The following PCDHA5 variants were observed in gnomAD, a reference collection of about 807,000 sequenced individuals.
PCDHA5 encodes the protein protocadherin alpha-5.
PCDHA5 carries 43 observed loss-of-function variants against 61.6 expected under a neutral mutation model. The observed-to-expected ratio is 0.70, with a 90% CI of 0.55 to 0.90. The LOEUF is 0.90. Among genes scored for constraint, PCDHA5 ranks in the 40% least tolerant of loss-of-function variants. The pLI is 0.00. For missense variants in PCDHA5, 1,298 were observed against 1,222.7 expected, an observed-to-expected ratio of 1.06 and a Z score of -0.92; for synonymous variants, 627 against 543.9, an observed-to-expected ratio of 1.15 and a Z score of -2.13.
chr5:141,009,545 A>G, intron 3 of PCDHA5, 82 bp from the exon 4 acceptor site: 2 of 1,535,938 alleles, frequency 1.3e-6, no homozygotes, highest in Non-Finnish European at 1.8e-6. Flanking sequence ...CTGCCTATGC[A>G]GTACTCCTGT....
chr5:140,850,087 TAC>T (rs2041337151), intron 1 of PCDHA5: 1 of 1,596,398 alleles, frequency 6.3e-7, no homozygotes, highest in African/African-American at 1.3e-5. Context: ...CTGGAGCTGC[TAC>T]AGTTCCAGGT....
intron 1 of PCDHA5, chr5:140,836,227 C>G: frequency 6.2e-7 from 1 of 1,613,736 alleles, no homozygotes; most frequent in African/African-American, 1.3e-5. Context: ...CAACCGGTGG[C>G]GGCCGGTGCG....
intron 1 of PCDHA5, among the ~76,000 whole-genome samples, chr5:140,899,871 T>G (rs76112838): frequency 0.014 from 2,117 of 152,008 alleles, 43 homozygotes; most frequent in African/African-American, 0.049. Context: ...GCAGTGGTAT[T>G]AACAGAACTC....
intron 3 of PCDHA5, among the ~76,000 whole-genome samples, chr5:141,005,648 G>A (rs1354125322): frequency 7.4e-6 from 1 of 135,988 alleles, no homozygotes; most frequent in Non-Finnish European, 1.5e-5. Flanking sequence ...CTTGCAGTGA[G>A]TCGAGATCGC....
rs146722772 is a variant in PCDHA5, at chr5:140,848,558, C to T, written c.2352+24431C>T. ...CTCTACTGCTCTCGCTTCTGATCCTCGCAATGTGGGTGGTGGGGAGCGGCC... is the reference window on the plus strand; with the variant it reads ...CTCTACTGCTCTCGCTTCTGATCCTTGCAATGTGGGTGGTGGGGAGCGGCC... On this transcript the variant is annotated intron_variant, in intron 1 of 3. Coordinates refer to ENST00000529859, the MANE Select transcript of PCDHA5 (RefSeq NM_018908.3). 8.8e-6 allele frequency: 14 copies of T among 1,595,498 alleles called. 1 individual carries two copies. In the African/African-American group the frequency reaches 1.6e-4, roughly 18 times the overall value.
intron 1 of PCDHA5, among the ~76,000 whole-genome samples, chr5:140,895,788 G>A (rs947578940): frequency 3.9e-5 from 6 of 152,014 alleles, no homozygotes; most frequent in East Asian, 1.9e-4. Context: ...ATTCAATGAC[G>A]TATATGTACA....
intron 1 of PCDHA5, chr5:140,882,333 C>T (rs1052199425): frequency 3.8e-5 from 61 of 1,614,102 alleles, no homozygotes; most frequent in Non-Finnish European, 5.0e-5. Flanking sequence ...CTGATCCTCG[C>T]AGCCTGGGAG....
At chr5:140,850,709 G>T in intron 1 of PCDHA5, 1 of 1,598,236 alleles carries the variant, frequency 6.3e-7, no homozygotes, top group East Asian at 2.2e-5. Context: ...GCAAGCCGAC[G>T]CTGGTGTGTT....
intron 1 of PCDHA5, among the ~76,000 whole-genome samples, chr5:140,878,322 T>C (rs2057540228): frequency 6.6e-6 from 1 of 152,228 alleles, no homozygotes; most frequent in Non-Finnish European, 1.5e-5. Context: ...CATTTTCACA[T>C]TATATTCCAG....
Position 140,845,869 on chromosome 5 carries a change from C to T in PCDHA5, c.2352+21742C>T, listed in dbSNP as rs1190017155. On this transcript the variant is annotated intron_variant, in intron 1 of 3. Transcript: ENST00000529859. ...AAAGAAGTTAGTGATTGCAGAAAGG[C>T]AACCTAAAATGTCAGAAAGTCGTTA... is the stretch of plus-strand genomic sequence containing the variant. Among the ~76,000 whole-genome samples the T allele has an allele frequency of 2.0e-5, 3 of 149,586 alleles. 1 individual carries two copies. Among genetic ancestry groups the T allele is most frequent in the Non-Finnish European group, 4.5e-5 (3 of 66,866 alleles).
At chr5:140,824,440 T>A in intron 1 of PCDHA5, 1 of 476,522 alleles carries the variant, frequency 2.1e-6, no homozygotes, top group East Asian at 3.6e-5. Context: ...AGTTTCAGTT[T>A]ATGACTACAT....
intron 3 of PCDHA5, among the ~76,000 whole-genome samples, chr5:141,004,019 A>G (rs2098147783): frequency 6.6e-6 from 1 of 152,244 alleles, no homozygotes; most frequent in South Asian, 2.1e-4. Flanking sequence ...CACTGAAAGA[A>G]GAAACATTTC....
chr5:140,830,654 A>T (rs1554132964), intron 1 of PCDHA5: 1 of 436,460 alleles, frequency 2.3e-6, no homozygotes, highest in African/African-American at 2.1e-5. Context: ...TTTAATATTC[A>T]TAATTTAAGT....
Position 140,842,608 on chromosome 5 carries a change from C to CG in PCDHA5, c.2352+18486dup, listed in dbSNP as rs1340734954. 5 of 1,557,100 alleles carry CG rather than the reference C, an allele frequency of 3.2e-6. 2 individuals carry two copies. In the African/African-American group the frequency reaches 7.2e-5, roughly 22 times the overall value. The stretch of plus-strand genomic sequence containing the variant: ...ATGAGTTGGTGGTAACCGCGCGGGA[C>CG]GGGGGCTCGCCTTCGCTGTGGGCCA... On this transcript the variant is annotated intron_variant, in intron 1 of 3. Coordinates refer to ENST00000529859, the MANE Select transcript of PCDHA5 (RefSeq NM_018908.3).
chr5:140,876,819 C>G (rs781959784), intron 1 of PCDHA5: 4 of 1,614,180 alleles, frequency 2.5e-6, no homozygotes, highest in Non-Finnish European at 3.4e-6. Context: ...CCGACGTGAA[C>G]GACAATGCGC....
chr5:140,998,596 C>G (rs1301065712), intron 3 of PCDHA5, among the ~76,000 whole-genome samples: 1 of 148,578 alleles, frequency 6.7e-6, no homozygotes, highest in Non-Finnish European at 1.5e-5. Flanking sequence ...CAGAGTTTTG[C>G]TCTTGTTGCC....
intron 1 of PCDHA5, among the ~76,000 whole-genome samples, chr5:140,916,255 C>G (rs1161014900): frequency 6.6e-6 from 1 of 152,144 alleles, no homozygotes. Context: ...ACTTGGGGAC[C>G]CCAAGAGCAT....
chr5:140,871,223 C>G (rs1009797322), intron 1 of PCDHA5: 6 of 1,613,892 alleles, frequency 3.7e-6, no homozygotes, highest in Non-Finnish European at 3.4e-6. Context: ...TGCGTGGTGT[C>G]CAGCCTCCTG....
chr5:140,943,830 G>C (rs1245752469), intron 1 of PCDHA5, among the ~76,000 whole-genome samples: 1 of 152,198 alleles, frequency 6.6e-6, no homozygotes, highest in Non-Finnish European at 1.5e-5. Context: ...TGAGTTGATT[G>C]AAGTTGTAAG....
Sources: gnomAD v4.1 joint callset for allele counts (sites outside exome capture counted in the v4.1 genomes callset) on GRCh38, gnomAD v4.1.1 for gene constraint, MANE v1.5 for transcripts, NCBI Gene and HGNC (gene_info 2026-07-23, HGNC 2026-07-21) for gene names.